The following RNF217 variants were observed in gnomAD, a reference collection of about 807,000 sequenced individuals.
RNF217 encodes the protein E3 ubiquitin-protein ligase RNF217.
A neutral mutation model predicts 57.8 loss-of-function variants in RNF217; 31 were observed. That is an observed-to-expected ratio of 0.54 (90% CI 0.40 to 0.72). RNF217 has a LOEUF of 0.72. RNF217 is among the 30% of genes least tolerant of loss of function. RNF217 has a pLI of 0.00. For synonymous variants in RNF217, 313 were observed against 294.0 expected, an observed-to-expected ratio of 1.06 and a Z score of -0.66; for missense variants, 696 against 708.3, an observed-to-expected ratio of 0.98 and a Z score of 0.20.
At chr6:124,989,932 C>A (rs1051041716) in intron 1 of RNF217, among the ~76,000 whole-genome samples, 1 of 150,356 alleles carries the variant, frequency 6.7e-6, no homozygotes, top group African/African-American at 2.4e-5. Context: ...TTTTTCCTTG[C>A]AGCTAGTGTT....
At chr6:125,033,640 T>C (rs1237971685) in intron 1 of RNF217, among the ~76,000 whole-genome samples, 1 of 151,912 alleles carries the variant, frequency 6.6e-6, no homozygotes, top group Non-Finnish European at 1.5e-5. Context: ...CTGTGAATAG[T>C]GCCGCAATAA....
chr6:125,032,603 CT>C (rs1212581935), intron 1 of RNF217, among the ~76,000 whole-genome samples: 1 of 151,904 alleles, frequency 6.6e-6, no homozygotes, highest in Non-Finnish European at 1.5e-5. Context: ...CATGTATATA[CT>C]TTAAAAGTTT....
rs1327862801 is a variant in RNF217, at chr6:125,034,150, A to G, written c.883-11061A>G. Among the ~76,000 whole-genome samples, 230 of 152,178 alleles carry G rather than the reference A, an allele frequency of 1.5e-3. 1 individual carries two copies. The highest frequency in any genetic ancestry group is 4.9e-3 in the African/African-American group (202 of 41,530). ...TTTTCTCCCATTTTGTAGGTTGCCT[A>G]TTCATTCTGATGGTAGTTTCTTTTG... is the stretch of plus-strand genomic sequence containing the variant. On this transcript the variant is annotated intron_variant, in intron 1 of 5. Transcript: ENST00000521654.
chr6:124,975,512 C>T (rs1783924022), intron 1 of RNF217, among the ~76,000 whole-genome samples: 2 of 152,274 alleles, frequency 1.3e-5, no homozygotes, highest in South Asian at 4.1e-4. Context: ...TTCACTGCAG[C>T]CTCTAACTCC....
At chr6:125,048,833 A>G (rs985651026) in intron 2 of RNF217, among the ~76,000 whole-genome samples, 3 of 152,038 alleles carry the variant, frequency 2.0e-5, no homozygotes, top group African/African-American at 4.8e-5. Context: ...CCAACACCCA[A>G]CAATTCCCTT....
At chr6:125,060,445 T>A (rs1263137100) in intron 3 of RNF217, among the ~76,000 whole-genome samples, 1 of 152,026 alleles carries the variant, frequency 6.6e-6, no homozygotes, top group Non-Finnish European at 1.5e-5. Flanking sequence ...TAAATATTGT[T>A]ATTTATTTAT....
chr6:124,979,773 C>T (rs898722216), intron 1 of RNF217, among the ~76,000 whole-genome samples: 1 of 152,166 alleles, frequency 6.6e-6, no homozygotes, highest in African/African-American at 2.4e-5. Context: ...TAAGAAGATT[C>T]TAGCTTCTGT....
chr6:125,040,414 AC>A (rs1257647122), intron 1 of RNF217, among the ~76,000 whole-genome samples: 4 of 152,298 alleles, frequency 2.6e-5, no homozygotes, highest in Admixed American at 6.5e-5. Context: ...CCCTGAATAG[AC>A]CAATAACAAG....
chr6:125,066,895 C>G (rs1787955751), intron 3 of RNF217, among the ~76,000 whole-genome samples: 2 of 152,172 alleles, frequency 1.3e-5, no homozygotes, highest in African/African-American at 4.8e-5. Context: ...GTTGTGTGCC[C>G]TGTAGGATGT....
intron 3 of RNF217, among the ~76,000 whole-genome samples, chr6:125,068,842 A>T (rs888018455): frequency 6.6e-6 from 1 of 152,188 alleles, no homozygotes; most frequent in Non-Finnish European, 1.5e-5. Flanking sequence ...CTTTGGAAAA[A>T]TTTGGTAAAT....
intron 1 of RNF217, among the ~76,000 whole-genome samples, chr6:125,038,840 T>C (rs140584094): frequency 0.012 from 1,782 of 152,258 alleles, 17 homozygotes; most frequent in Non-Finnish European, 0.016. Flanking sequence ...TCTAATTTAA[T>C]TTTTAAGTTC....
intron 3 of RNF217, among the ~76,000 whole-genome samples, chr6:125,073,035 G>A (rs1788209553): frequency 6.6e-6 from 1 of 152,124 alleles, no homozygotes; most frequent in Non-Finnish European, 1.5e-5. Flanking sequence ...CTCTTTCCTT[G>A]GTAGATCACC....
chr6:125,073,099 C>T (rs908544361), intron 3 of RNF217, among the ~76,000 whole-genome samples: 5 of 152,190 alleles, frequency 3.3e-5, no homozygotes, highest in African/African-American at 1.2e-4. Context: ...GTATTATCTC[C>T]ACTTTAAGAT....
intron 3 of RNF217, among the ~76,000 whole-genome samples, chr6:125,075,868 G>A (rs1788346479): frequency 6.6e-6 from 1 of 151,860 alleles, no homozygotes; most frequent in African/African-American, 2.4e-5. Context: ...ATTATAACAT[G>A]GTCTCACTGC....
Position 124,962,711 on chromosome 6 carries a change from G to A in RNF217, c.167G>A (p.Gly56Glu). Reference sequence around the variant, plus strand: ...GCGGAGCCGAGCGGCGGTGGCTGCGGAAGCGACTGGGGCTGCGCGGACACC... The same window carrying A: ...GCGGAGCCGAGCGGCGGTGGCTGCGAAAGCGACTGGGGCTGCGCGGACACC... ...ASAEPSGGGC[G>E]SDWGCADTSA... Residue 56 changes from glycine to glutamate, a missense_variant, in exon 1 of 6, where the codon GGA (glycine) becomes GAA (glutamate). By Grantham distance (98) the Gly-to-Glu change is moderately conservative (BLOSUM62 -2). This residue lies in a region of RNF217 where 465 missense variants were observed against 386.8 expected (regional missense o/e 1.20). Coordinates refer to ENST00000521654, the MANE Select transcript of RNF217 (RefSeq NM_001286398.3). The surrounding 1 kb of genome is among the most constrained non-coding windows in gnomAD (Gnocchi z 4.6). The A allele has an allele frequency of 6.9e-7, 1 of 1,447,028 alleles. No individual in the cohort carries two copies. Among genetic ancestry groups the A allele is most frequent in the Non-Finnish European group, 9.0e-7 (1 of 1,113,518 alleles). The allele number at this position is 1,447,028 out of a possible 1,614,324, so 89.6% of individuals were successfully genotyped here.
chr6:125,060,033 CTT>C (rs1379057229), intron 3 of RNF217, among the ~76,000 whole-genome samples: 1 of 152,070 alleles, frequency 6.6e-6, no homozygotes, highest in Admixed American at 6.6e-5. Context: ...TTAAGCATGA[CTT>C]TAAAACTTTA....
intron 1 of RNF217, among the ~76,000 whole-genome samples, chr6:125,015,859 T>C (rs1420992288): frequency 6.6e-6 from 1 of 152,102 alleles, no homozygotes; most frequent in East Asian, 1.9e-4. Context: ...CAATTAGAGA[T>C]TAGATTAATA....
At chr6:125,005,402 A>G (rs768942521) in intron 1 of RNF217, among the ~76,000 whole-genome samples, 1 of 152,228 alleles carries the variant, frequency 6.6e-6, no homozygotes, top group African/African-American at 2.4e-5. Context: ...CTTGCATAAC[A>G]TAAGGGTACA....
Position 124,993,538 on chromosome 6 carries a change from G to A in RNF217, c.882+30112G>A, listed in dbSNP as rs181853092. 2.6e-5 allele frequency among the ~76,000 whole-genome samples: 4 copies of A among 152,104 alleles called. No homozygotes were observed. In the South Asian group the frequency reaches 6.2e-4, roughly 24 times the overall value. On this transcript the variant is annotated intron_variant, in intron 1 of 5. Coordinates refer to ENST00000521654, the MANE Select transcript of RNF217 (RefSeq NM_001286398.3). The stretch of plus-strand genomic sequence containing the variant: ...ACTGAGGGCTTTCTAGTTGTGGCAC[G>A]CACTATTCCAGATCTTGGCAGTGCA...
Sources: allele counts gnomAD v4.1 joint callset (sites outside exome capture counted in the v4.1 genomes callset), GRCh38; gene constraint gnomAD v4.1.1; regional missense constraint gnomAD v4.1.1; non-coding constraint Gnocchi (gnomAD v3.1); transcripts MANE v1.5; gene names NCBI Gene and HGNC (gene_info 2026-07-23, HGNC 2026-07-21).